Variants in FRMPD1 observed in about 807,000 individuals in gnomAD.
FRMPD1 encodes FERM and PDZ domain containing 1.
In FRMPD1, 76 loss-of-function variants were observed where a neutral mutation model predicts 117.8. That is an observed-to-expected ratio of 0.65 (90% CI 0.54 to 0.78). The LOEUF (loss-of-function observed/expected upper bound fraction) is 0.78, where lower values mean the gene tolerates loss of function less well. FRMPD1 is among the 30% of genes least tolerant of loss of function. The probability of loss-of-function intolerance (pLI) is 0.00; values close to 1 mark genes in which losing one functional copy is unlikely to be tolerated. For synonymous variants in FRMPD1, 783 were observed against 770.4 expected (o/e 1.02, Z -0.27); for missense variants, 1,786 against 1,964.5 (o/e 0.91, Z 1.72).
chr9:37,724,690 G>C (rs1823547461), intron 7 of FRMPD1, among the ~76,000 whole-genome samples: 2 of 152,228 alleles, frequency 1.3e-5, no homozygotes, highest in African/African-American at 4.8e-5. Context: ...TGAGATGTCA[G>C]GAAAGGCCCA....
At chr9:37,659,485 G>A (rs1472671976) in intron 1 of FRMPD1, among the ~76,000 whole-genome samples, 1 of 152,202 alleles carries the variant, frequency 6.6e-6, no homozygotes, top group East Asian at 1.9e-4. Context: ...GGCGAGTCCA[G>A]TGGAGGTTTT....
At chr9:37,609,658 T>C in the FRMPD1 span, among the ~76,000 whole-genome samples, 2 of 152,228 alleles carry the variant, frequency 1.3e-5, no homozygotes, top group Non-Finnish European at 2.9e-5. Flanking sequence ...CTGTTCATCA[T>C]GGTAGCTAAA....
At chr9:37,692,314 G>C (rs1008544379) in intron 1 of FRMPD1, among the ~76,000 whole-genome samples, 5 of 152,114 alleles carry the variant, frequency 3.3e-5, no homozygotes. Context: ...AGGGAAGGAC[G>C]GTGTCACATG....
chr9:37,686,684 T>G (rs1004524512), intron 1 of FRMPD1, among the ~76,000 whole-genome samples: 28 of 152,212 alleles, frequency 1.8e-4, no homozygotes, highest in Admixed American at 9.2e-4. Context: ...ATTAGAACCA[T>G]GTATGTTTAT....
At chr9:37,737,363 G>A (rs1381173313) in intron 14 of FRMPD1, 120 bp downstream of exon 14, 2 of 742,684 alleles carry the variant, frequency 2.7e-6, no homozygotes, top group Non-Finnish European at 4.5e-6. Flanking sequence ...AAGTGGATGA[G>A]AGCTATTTCT....
rs181256165 is a variant in FRMPD1 at position 37,736,488 on chromosome 9, C to A, written c.1402-608C>A. ...AGAGGTTGCAGTGAGCAAAAGATTG[C>A]ACCATTGCACTCCAGCCTGGTGACA... On this transcript the variant is annotated intron_variant, in intron 13 of 15. Transcript: ENST00000377765. Among the ~76,000 whole-genome samples, 7 of 147,764 alleles carry A rather than the reference C, an allele frequency of 4.7e-5. No homozygotes were observed. The East Asian group carries it at 8.2e-4, about 17-fold the overall frequency.
At chr9:37,663,042 T>G (rs1291625978) in intron 1 of FRMPD1, among the ~76,000 whole-genome samples, 2 of 152,218 alleles carry the variant, frequency 1.3e-5, no homozygotes, top group Non-Finnish European at 2.9e-5. Context: ...TCTCTTGTAT[T>G]TAGTCTGCCC....
At chr9:37,694,277 T>A (rs1822246025) in intron 2 of FRMPD1, among the ~76,000 whole-genome samples, 2 of 152,148 alleles carry the variant, frequency 1.3e-5, no homozygotes, top group Non-Finnish European at 2.9e-5. Flanking sequence ...CCCGACTTGG[T>A]GATTTATTAT....
the FRMPD1 span, among the ~76,000 whole-genome samples, chr9:37,634,767 T>C: frequency 2.3e-4 from 35 of 151,692 alleles, no homozygotes; most frequent in South Asian, 6.2e-4. Flanking sequence ...TCTTCTTCTT[T>C]TTTTTTTTTA....
In FRMPD1 at chr9:37,732,399, C is replaced by T. The variant is rs565512972; in HGVS notation, c.954C>T (p.Tyr318=). The stretch of plus-strand genomic sequence containing the variant: ...CTCTGCACATCCAGGAACGGATCTA[C>T]GCCTGTGCCCAGCCACAGAAGATCT... The part of the protein sequence containing the change: ...LAALHIQERI[Y]ACAQPQKISL... Residue 318 remains tyrosine (Y), a synonymous_variant, in exon 10 of 16, where the codon TAC becomes TAT. Coordinates refer to ENST00000377765, the MANE Select transcript of FRMPD1 (RefSeq NM_014907.3). 2.0e-5 allele frequency: 32 copies of T among 1,613,698 alleles called. No individual in the cohort carries two copies. The highest frequency in any genetic ancestry group is 6.7e-5 in the African/African-American group (5 of 75,046).
rs1358905448 is a variant in FRMPD1, at chr9:37,740,071, G to A, written c.1550-7G>A. 2.5e-6 allele frequency: 4 copies of A among 1,577,732 alleles called. No homozygotes were observed. In the African/African-American group the frequency reaches 4.1e-5, roughly 16 times the overall value. ...TTGTGTAACTGTTGCTGTACCCTGT[G>A]TTGCAGGCTATGAATCCAGGGCCTG... On this transcript the variant is annotated splice_polypyrimidine_tract_variant and splice_region_variant and intron_variant, in intron 14 of 15. Transcript: ENST00000377765. This position sits in a 1 kb window ranked among gnomAD's most constrained non-coding sequence, Gnocchi z 4.2.
intron 13 of FRMPD1, among the ~76,000 whole-genome samples, chr9:37,736,606 C>G (rs1310470203): frequency 1.3e-5 from 2 of 151,770 alleles, no homozygotes; most frequent in Non-Finnish European, 2.9e-5. Flanking sequence ...TTTTATTCTG[C>G]CCTCCTTTGA....
At chr9:37,725,024 C>G (rs1206032837) in intron 7 of FRMPD1, among the ~76,000 whole-genome samples, 1 of 152,120 alleles carries the variant, frequency 6.6e-6, no homozygotes, top group East Asian at 1.9e-4. Flanking sequence ...AGGGACAGGG[C>G]AGTTGAGGGT....
chr9:37,656,126 C>G (rs1345178292), intron 1 of FRMPD1, among the ~76,000 whole-genome samples: 1 of 152,212 alleles, frequency 6.6e-6, no homozygotes, highest in Non-Finnish European at 1.5e-5. Context: ...ACCCCACAAC[C>G]CTTTTCACAG....
At chr9:37,616,211 G>A in the FRMPD1 span, among the ~76,000 whole-genome samples, 11 of 146,720 alleles carry the variant, frequency 7.5e-5, no homozygotes, top group South Asian at 2.4e-3. Context: ...CTCTGCCTCT[G>A]AGTTCTAGCT....
At chr9:37,615,818 C>G in the FRMPD1 span, among the ~76,000 whole-genome samples, 1 of 145,578 alleles carries the variant, frequency 6.9e-6, no homozygotes, top group African/African-American at 2.5e-5. Flanking sequence ...CACATCTGTT[C>G]TTTTTTTTTT....
chr9:37,703,616 T>C (rs2118118897), intron 2 of FRMPD1, among the ~76,000 whole-genome samples: 1 of 152,330 alleles, frequency 6.6e-6, no homozygotes, highest in Admixed American at 6.5e-5. Flanking sequence ...GATCTGCAAC[T>C]GTCACAAGTC....
chr9:37,661,710 C>T (rs571859225), intron 1 of FRMPD1: 1 of 152,362 alleles, frequency 6.6e-6, no homozygotes, highest in East Asian at 1.9e-4. Context: ...CCTCAGTTTC[C>T]TATCTGTGGG....
At chr9:37,614,233 A>C in the FRMPD1 span, among the ~76,000 whole-genome samples, 5 of 152,192 alleles carry the variant, frequency 3.3e-5, no homozygotes, top group Non-Finnish European at 7.3e-5. Context: ...GGCATGTGGG[A>C]CTGAGGGGTA....
Sources: allele counts gnomAD v4.1 joint callset (sites outside exome capture counted in the v4.1 genomes callset), GRCh38; gene constraint gnomAD v4.1.1; non-coding constraint Gnocchi (gnomAD v3.1); transcripts MANE v1.5; gene names NCBI Gene and HGNC (gene_info 2026-07-23, HGNC 2026-07-21).